FHIP2A: variants seen among roughly 807,000 people sequenced by gnomAD.
FHIP2A encodes the protein family with sequence similarity 160 member B1.
Under a neutral mutation model 93.5 loss-of-function variants are expected in FHIP2A, and 46 were observed. That is an observed-to-expected ratio of 0.49 (90% CI 0.39 to 0.63). The LOEUF is 0.63. Among genes scored for constraint, FHIP2A ranks in the 20% least tolerant of loss-of-function variants. The pLI, the probability that FHIP2A is intolerant of heterozygous loss-of-function variation, is 0.00. For synonymous variants in FHIP2A, 332 were observed against 326.5 expected, an observed-to-expected ratio of 1.02 and a Z score of -0.18; for missense variants, 769 against 909.7, an observed-to-expected ratio of 0.85 and a Z score of 1.99.
At chr10:114,855,470 C>G (rs1186667956) in intron 14 of FHIP2A, 130 bp downstream of exon 14, 1 of 784,854 alleles carries the variant, frequency 1.3e-6, no homozygotes, top group African/African-American at 1.7e-5. Context: ...ATGACTTTTT[C>G]ATGAAGCTTG....
chr10:114,873,093 C>T (rs1047245412), intron 16 of FHIP2A, among the ~76,000 whole-genome samples: 3 of 152,164 alleles, frequency 2.0e-5, no homozygotes, highest in African/African-American at 7.2e-5. Flanking sequence ...TGATCAGAAC[C>T]TAGAAGGTTA....
At position 114,861,706 on chromosome 10, in the gene FHIP2A, ATGT is replaced by A. The variant is rs2083800995; in HGVS notation, c.*170_*172del. ...CTATTGAGTGGACATTCTTGGTGAAATGTTGTATAATGTTGTTTTCATTGGCTT... is the reference window on the plus strand; with the variant it reads ...CTATTGAGTGGACATTCTTGGTGAAATGTATAATGTTGTTTTCATTGGCTT... On this transcript the variant is annotated 3_prime_UTR_variant, in exon 17 of 17. Transcript: ENST00000369248. The A allele has an allele frequency of 1.4e-6, 2 of 1,393,652 alleles. No homozygotes were observed. Among genetic ancestry groups the A allele is most frequent in the Non-Finnish European group, 9.3e-7 (1 of 1,076,584 alleles). The allele number at this position is 1,393,652 out of a possible 1,614,324, so 86.3% of individuals were successfully genotyped here.
chr10:114,836,234 CT>C lies in FHIP2A; in HGVS notation c.515del (p.Phe172SerfsTer2). 1 of 1,592,710 alleles carries C rather than the reference CT, an allele frequency of 6.3e-7. No homozygotes were observed. Among genetic ancestry groups the C allele is most frequent in the South Asian group, 1.1e-5 (1 of 87,934 alleles). On this transcript the variant is annotated frameshift_variant, in exon 5 of 17. Transcript: ENST00000369248. LOFTEE classifies it high-confidence loss of function. ...KLKQDPYLVNFFLENKMKSLA... is the reference protein window; with the variant it reads ...KLKQDPYLVNXFLENKMKSLA... ...TGAAACAGGACCCCTACCTGGTTAA[CT>C]TTTTCCTAGAGGTATGATACACTTT...
At chr10:114,827,109 T>G (rs2083581282) in intron 1 of FHIP2A, among the ~76,000 whole-genome samples, 1 of 152,228 alleles carries the variant, frequency 6.6e-6, no homozygotes, top group Non-Finnish European at 1.5e-5. Context: ...GATACTTTTG[T>G]GTGATGGGTA....
chr10:114,850,720 T>A (rs1182657475), intron 13 of FHIP2A, among the ~76,000 whole-genome samples: 1 of 152,052 alleles, frequency 6.6e-6, no homozygotes, highest in African/African-American at 2.4e-5. Flanking sequence ...AAAAAATTCC[T>A]TTGCCTGTGT....
At chr10:114,846,874 AC>A in intron 11 of FHIP2A, 146 bp downstream of exon 11, 1 of 791,614 alleles carries the variant, frequency 1.3e-6, no homozygotes, top group Non-Finnish European at 1.9e-6. Flanking sequence ...CATTGATACT[AC>A]CATCCTTTTA....
intron 16 of FHIP2A, among the ~76,000 whole-genome samples, chr10:114,896,803 C>T (rs951656942): frequency 2.6e-5 from 4 of 152,228 alleles, no homozygotes; most frequent in African/African-American, 7.2e-5. Context: ...GCTGTGTGCT[C>T]AACCTTGGCA....
In FHIP2A at chr10:114,899,589, A is replaced by T. The variant is rs2084017276; in HGVS notation, c.*75A>T. 7.0e-6 allele frequency: 5 copies of T among 715,480 alleles called. No homozygotes were observed. In the East Asian group the frequency reaches 1.3e-4, roughly 19 times the overall value. The allele number at this position is 715,480 out of a possible 1,614,324, so 44.3% of individuals were successfully genotyped here. On this transcript the variant is annotated 3_prime_UTR_variant, in exon 17 of 17. Coordinates refer to the FHIP2A transcript ENST00000369250. ...AGAATCTCGATGGTTTCCACAAAAA[A>T]TCTTGGGCCTTGGATCAACTGCCCA...
chr10:114,865,086 C>G (rs948888102), downstream of FHIP2A, among the ~76,000 whole-genome samples: 3 of 152,040 alleles, frequency 2.0e-5, no homozygotes, highest in Non-Finnish European at 4.4e-5. Flanking sequence ...CCCCTGGGTT[C>G]AAGTGATTCT....
chr10:114,849,774 C>T (rs1297677403), intron 13 of FHIP2A, among the ~76,000 whole-genome samples: 1 of 152,160 alleles, frequency 6.6e-6, no homozygotes, highest in Non-Finnish European at 1.5e-5. Context: ...ATTGACTTCT[C>T]CTCCCCGCCA....
chr10:114,866,549 A>G (rs1157558031), downstream of FHIP2A, among the ~76,000 whole-genome samples: 1 of 152,248 alleles, frequency 6.6e-6, no homozygotes, highest in Admixed American at 6.5e-5. Flanking sequence ...TATCAGAAAT[A>G]GGACATCCAC....
At position 114,862,643 on chromosome 10, in the gene FHIP2A, C is replaced by G; in HGVS notation, c.*1103C>G. 1.0e-6 allele frequency: 1 copy of G among 985,654 alleles called. No individual in the cohort carries two copies. The highest frequency in any genetic ancestry group is 1.7e-5 in the African/African-American group (1 of 57,374). 61.1% of individuals were successfully genotyped at this position (985,654 alleles called of 1,614,324 possible). A position where few individuals can be genotyped will look rare whatever the true frequency, so the allele number is the denominator to read the frequency against. On this transcript the variant is annotated 3_prime_UTR_variant, in exon 17 of 17. Transcript: ENST00000369248. ...TGTGAATGGGTGTACATGTAGGAAC[C>G]TGTAGTTCAGCAAAGCTGCGCTGGG...
At chr10:114,866,895 C>G (rs190133290), downstream of FHIP2A, among the ~76,000 whole-genome samples, 42 of 152,158 alleles carry the variant, frequency 2.8e-4, no homozygotes, top group Non-Finnish European at 4.0e-4. Context: ...TGAGATATGC[C>G]AGATAGTCTC....
At chr10:114,893,581 A>T (rs2083986307) in intron 16 of FHIP2A, among the ~76,000 whole-genome samples, 1 of 152,140 alleles carries the variant, frequency 6.6e-6, no homozygotes, top group Admixed American at 6.5e-5. Context: ...CTTCCCCAAA[A>T]TCCAGTATAA....
Position 114,855,225 on chromosome 10 carries a change from G to A in FHIP2A, c.1832G>A (p.Arg611Lys). ...CGAGACTACTGTGCTATCTGCTTAAGATGGGAGTGGCCTGGGTCTCCAAAA... is the reference window on the plus strand; with the variant it reads ...CGAGACTACTGTGCTATCTGCTTAAAATGGGAGTGGCCTGGGTCTCCAAAA... Reference protein sequence around the residue: ...QFRDYCAICLRWEWPGSPKAL... With the variant: ...QFRDYCAICLKWEWPGSPKAL... The change falls in exon 14 of 17, where the codon AGA becomes AAA. Residue 611 changes from arginine (R) to lysine (K), a missense_variant. Transcript: ENST00000369248. The A allele has an allele frequency of 1.2e-6, 2 of 1,614,026 alleles. No individual in the cohort carries two copies. The highest frequency in any genetic ancestry group is 2.2e-5 in the South Asian group (2 of 91,068).
downstream of FHIP2A, among the ~76,000 whole-genome samples, chr10:114,866,295 CTCCT>C (rs1465649767): frequency 1.3e-5 from 2 of 152,170 alleles, no homozygotes; most frequent in Non-Finnish European, 2.9e-5. Context: ...AGGACATGAT[CTCCT>C]TCCTTTTTAT....
At chr10:114,853,023 A>T (rs60600187) in intron 13 of FHIP2A, among the ~76,000 whole-genome samples, 1 of 152,026 alleles carries the variant, frequency 6.6e-6, no homozygotes, top group African/African-American at 2.4e-5. Context: ...CTCCCTTCCC[A>T]ACAGTAAAGG....
intron 16 of FHIP2A, among the ~76,000 whole-genome samples, chr10:114,882,285 G>A (rs1409984210): frequency 1.3e-5 from 2 of 152,308 alleles, no homozygotes; most frequent in East Asian, 3.9e-4. Flanking sequence ...TGTGTCTCTA[G>A]CCACAGGAGT....
At position 114,873,983 on chromosome 10, in the gene FHIP2A, C is replaced by T. The variant is rs143850596; in HGVS notation, c.2192+12649C>T. Among the ~76,000 whole-genome samples, 313 of 152,018 alleles carry T rather than the reference C, an allele frequency of 2.1e-3. 1 individual carries two copies. Among genetic ancestry groups the T allele is most frequent in the African/African-American group, 7.4e-3 (307 of 41,482 alleles). ...AAAAACAACCCTAAGTTCTGTAGCA[C>T]TGCATTGACTTGGCATGGTGCTTTG... On this transcript the variant is annotated intron_variant, in intron 16 of 16. Coordinates refer to the FHIP2A transcript ENST00000369250.
Sources: gnomAD v4.1 joint callset for allele counts (sites outside exome capture counted in the v4.1 genomes callset) on GRCh38, gnomAD v4.1.1 for gene constraint, MANE v1.5 for transcripts, NCBI Gene and HGNC (gene_info 2026-07-23, HGNC 2026-07-21) for gene names.